The following SPIRE1 variants were observed in gnomAD, a reference collection of about 807,000 sequenced individuals.
SPIRE1 encodes spire type actin nucleation factor 1, also known as protein spire homolog 1.
A neutral mutation model predicts 94.1 loss-of-function variants in SPIRE1; 40 were observed. The ratio of observed to expected loss-of-function variants is 0.43; its 90% CI spans 0.33 to 0.55. SPIRE1 has a LOEUF of 0.55. Ranked by LOEUF, SPIRE1 falls within the 20% of genes least tolerant of loss-of-function variation. SPIRE1 has a pLI of 0.06. For missense variants in SPIRE1, 838 were observed against 975.2 expected (o/e 0.86, Z 1.87); for synonymous variants, 376 against 371.7 (o/e 1.01, Z -0.13).
chr18:12,569,456 A>G (rs1014598741), intron 2 of SPIRE1, among the ~76,000 whole-genome samples: 1 of 152,148 alleles, frequency 6.6e-6, no homozygotes, highest in African/African-American at 2.4e-5. Context: ...ATATTTTGCC[A>G]GAAAAGCATA....
chr18:12,576,890 C>CA (rs398032016), intron 2 of SPIRE1, among the ~76,000 whole-genome samples: 36,819 of 90,140 alleles, frequency 0.41, 7,300 homozygotes, highest in East Asian at 0.62. Context: ...CTCTGTTTCA[C>CA]AAAAAAAAAA....
chr18:12,484,414 A>T (rs2032957712), intron 9 of SPIRE1, among the ~76,000 whole-genome samples: 2 of 152,244 alleles, frequency 1.3e-5, no homozygotes, highest in Non-Finnish European at 2.9e-5. Context: ...AAAGCTCTTC[A>T]GTGGTCAGTC....
At chr18:12,470,488 T>C (rs191001662) in intron 10 of SPIRE1, among the ~76,000 whole-genome samples, 1 of 152,282 alleles carries the variant, frequency 6.6e-6, no homozygotes, top group African/African-American at 2.4e-5. Flanking sequence ...AAAATGAATC[T>C]TCTCCAGGAT....
intron 10 of SPIRE1, among the ~76,000 whole-genome samples, chr18:12,471,601 C>T (rs1017297019): frequency 1.3e-5 from 2 of 151,866 alleles, no homozygotes; most frequent in East Asian, 1.9e-4. Context: ...GGATTACAGG[C>T]GTGAGCCACC....
At chr18:12,551,073 G>C (rs919030715) in intron 2 of SPIRE1, among the ~76,000 whole-genome samples, 5 of 152,152 alleles carry the variant, frequency 3.3e-5, no homozygotes, top group Non-Finnish European at 7.3e-5. Context: ...TTGTCTCTGG[G>C]ATGCAGGCAA....
At chr18:12,605,098 T>TTA (rs2036935513) in intron 2 of SPIRE1, among the ~76,000 whole-genome samples, 1 of 152,176 alleles carries the variant, frequency 6.6e-6, no homozygotes, top group Non-Finnish European at 1.5e-5. Context: ...AGGGGAGTTG[T>TTA]TATATAATGG....
intron 4 of SPIRE1, 137 bp downstream of exon 4, chr18:12,535,339 C>A (rs1598444191): frequency 2.3e-6 from 2 of 851,862 alleles, no homozygotes; most frequent in Admixed American, 2.6e-5. Flanking sequence ...TGACTTTCAG[C>A]ACTCATCTAA....
At chr18:12,563,367 T>C (rs892085535) in intron 2 of SPIRE1, among the ~76,000 whole-genome samples, 4 of 152,096 alleles carry the variant, frequency 2.6e-5, no homozygotes, top group African/African-American at 9.7e-5. Context: ...CTGGAGTGCA[T>C]TGGCCCTTCA....
chr18:12,621,268 C>T (rs1286688990), intron 2 of SPIRE1, among the ~76,000 whole-genome samples: 2 of 152,176 alleles, frequency 1.3e-5, no homozygotes, highest in African/African-American at 2.4e-5. Flanking sequence ...AACCCTTATA[C>T]ACTGAGATGT....
At chr18:12,552,557 A>T (rs543229277) in intron 2 of SPIRE1, among the ~76,000 whole-genome samples, 1 of 152,186 alleles carries the variant, frequency 6.6e-6, no homozygotes, top group East Asian at 1.9e-4. Flanking sequence ...AATGAAATCC[A>T]CAAGCAGACA....
At chr18:12,521,921 AT>A (rs1420796990) in intron 4 of SPIRE1, among the ~76,000 whole-genome samples, 1 of 152,176 alleles carries the variant, frequency 6.6e-6, no homozygotes, top group African/African-American at 2.4e-5. Flanking sequence ...CTCACTAGCC[AT>A]TCCCCCATCT....
chr18:12,594,097 A>G (rs1157770821), intron 2 of SPIRE1, among the ~76,000 whole-genome samples: 1 of 152,246 alleles, frequency 6.6e-6, no homozygotes, highest in East Asian at 1.9e-4. Flanking sequence ...AGAAGAAAAA[A>G]TAAGCCCAGG....
chr18:12,450,813 CA>C (rs1290838520), intron 16 of SPIRE1: 7 of 734,444 alleles, frequency 9.5e-6, no homozygotes, highest in Non-Finnish European at 1.5e-5. Context: ...GGAGACATGG[CA>C]AAAAAGCTGG....
At chr18:12,556,062 C>T (rs1251091328) in intron 2 of SPIRE1, among the ~76,000 whole-genome samples, 6 of 151,850 alleles carry the variant, frequency 4.0e-5, no homozygotes, top group Middle Eastern at 3.4e-3. Context: ...GAAAGTAATC[C>T]CATTTACAAT....
chr18:12,661,552 G>T (rs947588667), upstream of SPIRE1, among the ~76,000 whole-genome samples: 1 of 151,910 alleles, frequency 6.6e-6, no homozygotes, highest in Non-Finnish European at 1.5e-5. Flanking sequence ...CAGGCAGATC[G>T]CTTGAGGCCA....
chr18:12,593,141 C>T (rs2036579102), intron 2 of SPIRE1, among the ~76,000 whole-genome samples: 3 of 152,238 alleles, frequency 2.0e-5, no homozygotes. Context: ...GGTTACAAAA[C>T]CCTCATCAGA....
intron 1 of SPIRE1, among the ~76,000 whole-genome samples, chr18:12,653,818 T>C (rs1171131317): frequency 1.3e-5 from 2 of 151,666 alleles, no homozygotes; most frequent in African/African-American, 2.4e-5. Flanking sequence ...TGGTAGTGCA[T>C]GTCTGGAATC....
intron 2 of SPIRE1, among the ~76,000 whole-genome samples, chr18:12,581,548 A>G (rs2036256050): frequency 6.6e-6 from 1 of 152,108 alleles, no homozygotes; most frequent in Non-Finnish European, 1.5e-5. Flanking sequence ...ATTTTTCCTT[A>G]ACTATACCTA....
intron 2 of SPIRE1, among the ~76,000 whole-genome samples, chr18:12,576,996 T>C (rs971063856): frequency 1.3e-5 from 2 of 151,840 alleles, no homozygotes; most frequent in Non-Finnish European, 2.9e-5. Flanking sequence ...GTCCCACACT[T>C]ACATGATAAA....
Sources: allele counts gnomAD v4.1 joint callset (sites outside exome capture counted in the v4.1 genomes callset), GRCh38; gene constraint gnomAD v4.1.1; transcripts MANE v1.5; gene names NCBI Gene and HGNC (gene_info 2026-07-23, HGNC 2026-07-21).